STOX2: variants seen among roughly 807,000 people sequenced by gnomAD.
STOX2 encodes the protein storkhead box 2.
STOX2 carries 28 observed loss-of-function variants against 60.9 expected under a neutral mutation model. The ratio of observed to expected loss-of-function variants is 0.46; its 90% confidence interval spans 0.34 to 0.63. The LOEUF (loss-of-function observed/expected upper bound fraction) is 0.63, where lower values mean the gene tolerates loss of function less well. STOX2 is among the 30% of genes least tolerant of loss of function. STOX2 has a pLI of 0.01. For missense variants in STOX2, 1,024 were observed against 1,187.7 expected, an observed-to-expected ratio of 0.86 and a Z score of 2.03; for synonymous variants, 472 against 463.9, an observed-to-expected ratio of 1.02 and a Z score of -0.22.
intron 1 of STOX2, among the ~76,000 whole-genome samples, chr4:183,922,718 C>T (rs765394980): frequency 7.0e-4 from 106 of 152,258 alleles, no homozygotes; most frequent in Non-Finnish European, 1.2e-3. Flanking sequence ...ATGAGGCCAA[C>T]ATCAGGGTGT....
At chr4:183,957,729 A>C (rs73871347) in intron 1 of STOX2, among the ~76,000 whole-genome samples, 1,562 of 152,306 alleles carry the variant, frequency 0.01, 28 homozygotes, top group African/African-American at 0.036. Flanking sequence ...ATGTTCACCT[A>C]TGTTTTTCCT....
rs368408135 is a variant in STOX2, at chr4:183,864,147, T to G, written c.364+66092T>G. On this transcript the variant is annotated intron_variant, in intron 1 of 2. Transcript: ENST00000513034. ...AAAAAAGTTTTGAAATATGAGGAAATACAGAGGTAAACGAGGCTGTTTACT... is the reference window on the plus strand; with the variant it reads ...AAAAAAGTTTTGAAATATGAGGAAAGACAGAGGTAAACGAGGCTGTTTACT... Among the ~76,000 whole-genome samples the G allele has an allele frequency of 6.2e-4, 95 of 152,290 alleles. 2 individuals carry two copies. In the South Asian group the frequency reaches 0.019, roughly 30 times the overall value.
chr4:183,823,797 C>T (rs1421641448), intron 1 of STOX2, among the ~76,000 whole-genome samples: 2 of 152,214 alleles, frequency 1.3e-5, no homozygotes, highest in African/African-American at 2.4e-5. Context: ...ACTTTCCTGG[C>T]GTTTTCCTTG....
rs770188476 is a variant in STOX2, at chr4:184,009,167, C to T, written c.329C>T (p.Thr110Met). The change falls in exon 3 of 4, where the codon ACG becomes ATG. Residue 110 changes from threonine (T) to methionine (M), a missense_variant. Physicochemically the swap from Thr to Met is moderately conservative, Grantham distance 81. This residue lies in a region of STOX2 where 922 missense variants were observed against 1,058.3 expected (regional missense o/e 0.87). Coordinates refer to ENST00000308497, the MANE Select transcript of STOX2 (RefSeq NM_020225.3). The surrounding 1 kb of genome is among the most constrained non-coding windows in gnomAD (Gnocchi z 4.0). ...TTTTTTTTTTTTTCAGGTGTTCCAA[C>T]GCCAAGCCAAGAAATTCTGCGGCAC... ...HLTTCFPGVP[T>M]PSQEILRHTL... The T allele has an allele frequency of 2.0e-5, 14 of 700,492 alleles. No individual in the cohort carries two copies. The highest frequency in any genetic ancestry group is 5.6e-5 in the African/African-American group (3 of 53,946). The allele number at this position is 700,492 out of a possible 1,614,324, so 43.4% of individuals were successfully genotyped here.
intron 1 of STOX2, among the ~76,000 whole-genome samples, chr4:183,969,814 A>C (rs1385311130): frequency 6.6e-6 from 1 of 152,050 alleles, no homozygotes; most frequent in Non-Finnish European, 1.5e-5. Context: ...TAGAGATGGG[A>C]TCTCACTATA....
chr4:183,807,176 G>C (rs7688865), intron 1 of STOX2, among the ~76,000 whole-genome samples: 587 of 152,148 alleles, frequency 3.9e-3, no homozygotes, highest in African/African-American at 0.013. Context: ...GTTTCACCGC[G>C]TTAGCCATGA....
At position 184,011,478 on chromosome 4, in the gene STOX2, A is replaced by G. The variant is rs72697716; in HGVS notation, c.2585+55A>G. ...TGCGCCTAGCGGGGCCTGGGGCTTTATGCACGTAACTTGACAAGTTTCTGA... is the reference window on the plus strand; with the variant it reads ...TGCGCCTAGCGGGGCCTGGGGCTTTGTGCACGTAACTTGACAAGTTTCTGA... On this transcript the variant is annotated intron_variant, in intron 3 of 3. Coordinates refer to ENST00000308497, the MANE Select transcript of STOX2 (RefSeq NM_020225.3). This position sits in a 1 kb window ranked among gnomAD's most constrained non-coding sequence, Gnocchi z 4.4. 0.011 allele frequency: 16,822 copies of G among 1,587,230 alleles called. 120 individuals are homozygous for G. Among genetic ancestry groups the G allele is most frequent in the Non-Finnish European group, 0.013 (15,000 of 1,164,852 alleles).
At chr4:183,870,046 G>A (rs980470015) in intron 1 of STOX2, among the ~76,000 whole-genome samples, 13 of 152,132 alleles carry the variant, frequency 8.5e-5, no homozygotes, top group African/African-American at 2.2e-4. Flanking sequence ...TCATACTTCC[G>A]TGGGCAAAAA....
At chr4:184,013,728 G>A (rs1469563127) in intron 3 of STOX2, among the ~76,000 whole-genome samples, 1 of 152,220 alleles carries the variant, frequency 6.6e-6, no homozygotes, top group African/African-American at 2.4e-5. Context: ...AGTCTGGGGA[G>A]TATTTTAGCC....
intron 1 of STOX2, 133 bp downstream of exon 1, chr4:183,907,089 T>A: frequency 1.3e-6 from 1 of 742,458 alleles, no homozygotes; most frequent in Non-Finnish European, 2.1e-6. Flanking sequence ...AGGAAAAAAT[T>A]AGCTCCCATC....
intron 1 of STOX2, among the ~76,000 whole-genome samples, chr4:183,908,479 A>G (rs565488560): frequency 3.3e-5 from 5 of 152,226 alleles, no homozygotes; most frequent in Admixed American, 6.5e-5. Context: ...TATGCCTCCT[A>G]AGGAACCGGT....
At chr4:183,921,076 A>G (rs1742087904) in intron 1 of STOX2, among the ~76,000 whole-genome samples, 1 of 152,202 alleles carries the variant, frequency 6.6e-6, no homozygotes, top group Admixed American at 6.5e-5. Context: ...AGCACAGTCT[A>G]ATTTCTGCCA....
At chr4:183,883,541 C>T (rs1741005804) in intron 1 of STOX2, among the ~76,000 whole-genome samples, 1 of 152,178 alleles carries the variant, frequency 6.6e-6, no homozygotes, top group Admixed American at 6.5e-5. Context: ...TGGTCTCGAT[C>T]TCCTGACCTT....
At chr4:183,957,938 T>C (rs11932973) in intron 1 of STOX2, among the ~76,000 whole-genome samples, 39,003 of 146,312 alleles carry the variant, frequency 0.27, 4,236 homozygotes, top group Middle Eastern at 0.33. Flanking sequence ...GATGGTAGAA[T>C]GGTATTTAGA....
At chr4:183,871,243 C>A (rs1409850521) in intron 1 of STOX2, among the ~76,000 whole-genome samples, 1 of 152,166 alleles carries the variant, frequency 6.6e-6, no homozygotes, top group Non-Finnish European at 1.5e-5. Flanking sequence ...TGTGGACTCT[C>A]TTCAGGGAAT....
rs1327734263 is a variant in STOX2, at chr4:184,017,179, T to C, written c.2676T>C (p.Ala892=). ...NPALSPAHGG[A]GPAFNFRASA... ...CTTTGAGCCCGGCCCATGGTGGAGC[T>C]GGTCCAGCCTTCAACTTCCGAGCGA... is the stretch of plus-strand genomic sequence containing the variant. Residue 892 remains alanine (A), a synonymous_variant, in exon 4 of 4, where the codon GCT becomes GCC. Transcript: ENST00000308497. 9 of 1,613,220 alleles carry C rather than the reference T, an allele frequency of 5.6e-6. No homozygotes were observed. The highest frequency in any genetic ancestry group is 1.3e-5 in the African/African-American group (1 of 74,914).
At chr4:183,950,110 T>C (rs898602665) in intron 1 of STOX2, among the ~76,000 whole-genome samples, 8 of 152,258 alleles carry the variant, frequency 5.3e-5, no homozygotes, top group Non-Finnish European at 2.9e-5. Context: ...TCTTATTAAA[T>C]TACATTGCTA....
At chr4:183,947,080 G>C (rs1007621153) in intron 1 of STOX2, among the ~76,000 whole-genome samples, 10 of 34,494 alleles carry the variant, frequency 2.9e-4, no homozygotes, top group East Asian at 8.6e-3. Flanking sequence ...GTATCCTGGT[G>C]GGGGGTGGGG....
At chr4:183,804,900 C>A (rs566582256) in intron 1 of STOX2, among the ~76,000 whole-genome samples, 1 of 152,116 alleles carries the variant, frequency 6.6e-6, no homozygotes, top group Non-Finnish European at 1.5e-5. Flanking sequence ...ATCTTGAGCA[C>A]GTTTGTTTCC....
Sources: allele counts gnomAD v4.1 joint callset (sites outside exome capture counted in the v4.1 genomes callset), GRCh38; gene constraint gnomAD v4.1.1; regional missense constraint gnomAD v4.1.1; non-coding constraint Gnocchi (gnomAD v3.1); transcripts MANE v1.5; gene names NCBI Gene and HGNC (gene_info 2026-07-23, HGNC 2026-07-21).